Variants in EXOC6B observed in about 807,000 individuals in gnomAD.
The protein encoded by EXOC6B is SEC15 homolog B.
EXOC6B carries 54 observed loss-of-function variants against 113.5 expected under a neutral mutation model. The ratio of observed to expected loss-of-function variants is 0.48; its 90% confidence interval spans 0.38 to 0.60. EXOC6B has a LOEUF of 0.60. Ranked by LOEUF, EXOC6B falls within the 20% of genes least tolerant of loss-of-function variation. The pLI, the probability that EXOC6B is intolerant of heterozygous loss-of-function variation, is 0.00. For synonymous variants in EXOC6B, 357 were observed against 339.0 expected, an observed-to-expected ratio of 1.05 and a Z score of -0.58; for missense variants, 797 against 977.5, an observed-to-expected ratio of 0.82 and a Z score of 2.46.
chr2:72,546,600 A>G (rs1027482989), intron 8 of EXOC6B, among the ~76,000 whole-genome samples: 2 of 152,210 alleles, frequency 1.3e-5, no homozygotes, highest in African/African-American at 4.8e-5. Context: ...AGGGAGATCA[A>G]TTAATAACAC....
intron 20 of EXOC6B, among the ~76,000 whole-genome samples, chr2:72,285,252 T>A (rs781526595): frequency 2.6e-5 from 4 of 152,104 alleles, no homozygotes; most frequent in Non-Finnish European, 4.4e-5. Context: ...GGCAGTGTGG[T>A]ATTGGTGAAT....
chr2:72,613,769 C>T (rs1012569310), intron 6 of EXOC6B, among the ~76,000 whole-genome samples: 1 of 151,558 alleles, frequency 6.6e-6, no homozygotes, highest in Admixed American at 6.6e-5. Context: ...TCTAAAAGGT[C>T]CAAAATTAGA....
intron 20 of EXOC6B, among the ~76,000 whole-genome samples, chr2:72,268,237 A>G (rs1213139140): frequency 1.3e-5 from 2 of 152,022 alleles, no homozygotes. Context: ...CAGCCTCCCG[A>G]GTAGCTGGGA....
intron 6 of EXOC6B, among the ~76,000 whole-genome samples, chr2:72,701,925 T>C (rs1678376652): frequency 6.6e-6 from 1 of 152,116 alleles, no homozygotes; most frequent in African/African-American, 2.4e-5. Flanking sequence ...ATTTCTTTTT[T>C]TTTTTTTAAT....
At chr2:72,356,278 C>T (rs1381705559) in intron 19 of EXOC6B, among the ~76,000 whole-genome samples, 1 of 152,154 alleles carries the variant, frequency 6.6e-6, no homozygotes, top group Admixed American at 6.5e-5. Context: ...ACATGTTGTA[C>T]TATGGCAACT....
At chr2:72,238,255 T>C (rs1185384316) in intron 20 of EXOC6B, among the ~76,000 whole-genome samples, 1 of 152,232 alleles carries the variant, frequency 6.6e-6, no homozygotes, top group Non-Finnish European at 1.5e-5. Context: ...CATTCCTTTT[T>C]ATTGCTAAAT....
intron 6 of EXOC6B, among the ~76,000 whole-genome samples, chr2:72,659,434 ATT>A (rs1391504079): frequency 1.3e-5 from 2 of 152,130 alleles, no homozygotes; most frequent in Non-Finnish European, 2.9e-5. Context: ...ACAATTTTTT[ATT>A]CCAAATCCTC....
intron 1 of EXOC6B, among the ~76,000 whole-genome samples, chr2:72,760,262 C>A (rs1396994467): frequency 2.6e-5 from 4 of 152,166 alleles, no homozygotes; most frequent in African/African-American, 9.7e-5. Flanking sequence ...CTGGATCATA[C>A]TCCCAGCAAA....
intron 18 of EXOC6B, among the ~76,000 whole-genome samples, chr2:72,455,405 A>C (rs1697165964): frequency 6.6e-6 from 1 of 152,206 alleles, no homozygotes; most frequent in Non-Finnish European, 1.5e-5. Flanking sequence ...GGTCACCATG[A>C]CCAAAATTTT....
chr2:72,247,446 C>T (rs1682737281), intron 20 of EXOC6B, among the ~76,000 whole-genome samples: 1 of 152,156 alleles, frequency 6.6e-6, no homozygotes, highest in Admixed American at 6.5e-5. Flanking sequence ...GGGTTGCTGT[C>T]ATTATCACAC....
At chr2:72,426,141 C>T (rs1695186799) in intron 18 of EXOC6B, among the ~76,000 whole-genome samples, 3 of 152,060 alleles carry the variant, frequency 2.0e-5, no homozygotes, top group Admixed American at 6.6e-5. Context: ...GAAGTATTTC[C>T]TCCAACTCAT....
At chr2:72,559,360 T>C (rs1703752664) in intron 8 of EXOC6B, 93 bp downstream of exon 8, 1 of 854,856 alleles carries the variant, frequency 1.2e-6, no homozygotes, top group South Asian at 3.1e-5. Context: ...TTTTTCACTC[T>C]TAATAATAAA....
At chr2:72,315,702 A>G (rs1451413271) in intron 20 of EXOC6B, among the ~76,000 whole-genome samples, 1 of 151,974 alleles carries the variant, frequency 6.6e-6, no homozygotes, top group Non-Finnish European at 1.5e-5. Context: ...GTCAAGGATG[A>G]CTCCATAGTT....
At chr2:72,605,689 G>A (rs1018251055) in intron 6 of EXOC6B, among the ~76,000 whole-genome samples, 36 of 152,104 alleles carry the variant, frequency 2.4e-4, no homozygotes, top group Admixed American at 1.4e-3. Context: ...TAAGGACTGC[G>A]TCATTAACTA....
At chr2:72,469,788 C>CTA (rs939433651) in intron 17 of EXOC6B, among the ~76,000 whole-genome samples, 13 of 152,032 alleles carry the variant, frequency 8.6e-5, no homozygotes, top group East Asian at 1.9e-4. Flanking sequence ...GTCATTTCAA[C>CTA]TATATATATA....
intron 6 of EXOC6B, among the ~76,000 whole-genome samples, chr2:72,648,896 C>A (rs1302005965): frequency 6.6e-6 from 1 of 152,136 alleles, no homozygotes; most frequent in Admixed American, 6.5e-5. Context: ...GTAATTCCAG[C>A]ACTTTGGGAG....
intron 6 of EXOC6B, among the ~76,000 whole-genome samples, chr2:72,656,976 C>G (rs1037234433): frequency 1.3e-5 from 2 of 152,038 alleles, no homozygotes; most frequent in Non-Finnish European, 2.9e-5. Context: ...CTCAGCCTCC[C>G]AAGTAGCTGG....
chr2:72,625,673 C>T (rs985298491), intron 6 of EXOC6B, among the ~76,000 whole-genome samples: 3 of 152,208 alleles, frequency 2.0e-5, no homozygotes, highest in Non-Finnish European at 2.9e-5. Context: ...CAAATTCCTA[C>T]ACTTTTGTCC....
chr2:72,192,735 A>G (rs13339845), intron 20 of EXOC6B, among the ~76,000 whole-genome samples: 14,845 of 152,184 alleles, frequency 0.098, 1,199 homozygotes, highest in African/African-American at 0.23. Flanking sequence ...CTTTACATGC[A>G]TGTTTTCGCT....
Sources: allele counts gnomAD v4.1 joint callset (sites outside exome capture counted in the v4.1 genomes callset), GRCh38; gene constraint gnomAD v4.1.1; transcripts MANE v1.5; gene names NCBI Gene and HGNC (gene_info 2026-07-23, HGNC 2026-07-21).